Variants in LZTFL1 observed in about 807,000 individuals in gnomAD.
LZTFL1 encodes the protein leucine zipper transcription factor-like protein 1.
Under a neutral mutation model 45.9 loss-of-function variants are expected in LZTFL1, and 25 were observed. The observed-to-expected ratio is 0.54, with a 90% CI of 0.40 to 0.76. LZTFL1 has a LOEUF of 0.76. LZTFL1 is among the 30% of genes least tolerant of loss of function. LZTFL1 has a pLI of 0.00. For synonymous variants in LZTFL1, 93 were observed against 117.4 expected (o/e 0.79, Z 1.35); for missense variants, 277 against 331.1 (o/e 0.84, Z 1.27).
intron 2 of LZTFL1, among the ~76,000 whole-genome samples, chr3:45,891,090 G>GT (rs1313787619): frequency 6.6e-6 from 1 of 152,162 alleles, no homozygotes; most frequent in Non-Finnish European, 1.5e-5. Context: ...AAACACGTGT[G>GT]TTACTTTTGT....
At chr3:45,915,445 C>T (rs1421850882) in exon 1 of LZTFL1, 5 of 451,130 alleles carry the variant, frequency 1.1e-5, no homozygotes, top group Non-Finnish European at 1.8e-5. Context: ...TTTTGGCCTC[C>T]CAGAAATGGC....
intron 2 of LZTFL1, among the ~76,000 whole-genome samples, chr3:45,906,122 C>T (rs375931504): frequency 6.6e-6 from 1 of 152,184 alleles, no homozygotes; most frequent in East Asian, 1.9e-4. Flanking sequence ...ATTCCAAGAG[C>T]CCACCTAAGG....
rs968840268 is a variant in LZTFL1 at position 45,849,813 on chromosome 3, A to C, written c.-49+5173T>G. On this transcript the variant is annotated intron_variant, in intron 4 of 4. Transcript: ENST00000472635. ...AATGGTTCCCAGTTGTTCTTATGTGATATAATTTGGTTTTATTTTAAAATA... is the reference window on the plus strand; with the variant it reads ...AATGGTTCCCAGTTGTTCTTATGTGCTATAATTTGGTTTTATTTTAAAATA... Among the ~76,000 whole-genome samples, 4 of 152,230 alleles carry C rather than the reference A, an allele frequency of 2.6e-5. No individual in the cohort carries two copies. In the East Asian group the frequency reaches 7.7e-4, roughly 29 times the overall value.
At chr3:45,839,340 G>A (rs1008184272) in intron 1 of LZTFL1, among the ~76,000 whole-genome samples, 2 of 151,986 alleles carry the variant, frequency 1.3e-5, no homozygotes, top group African/African-American at 2.4e-5. Flanking sequence ...CACCTGCCTC[G>A]GCCTCCCAAA....
chr3:45,842,666 A>G (rs1441347943), upstream of LZTFL1, among the ~76,000 whole-genome samples: 1 of 152,082 alleles, frequency 6.6e-6, no homozygotes, highest in Non-Finnish European at 1.5e-5. Context: ...ACATTTTTCC[A>G]TTTAAAAAAA....
intron 2 of LZTFL1, among the ~76,000 whole-genome samples, chr3:45,899,262 CAA>C (rs1256150833): frequency 2.6e-5 from 4 of 152,172 alleles, no homozygotes; most frequent in African/African-American, 9.7e-5. Flanking sequence ...AAGGAATATG[CAA>C]AGATTCTCAA....
At chr3:45,863,392 AG>A (rs576183327) in intron 2 of LZTFL1, among the ~76,000 whole-genome samples, 8 of 152,210 alleles carry the variant, frequency 5.3e-5, no homozygotes, top group Non-Finnish European at 8.8e-5. Context: ...TGAGGACCTC[AG>A]GGGAGTGGTT....
rs540951928 is a variant in LZTFL1 at position 45,876,671 on chromosome 3, C to T, written c.-214-17655G>A. Among the ~76,000 whole-genome samples, 4 of 152,310 alleles carry T rather than the reference C, an allele frequency of 2.6e-5. No homozygotes were observed. In the South Asian group the frequency reaches 6.2e-4, roughly 24 times the overall value. On this transcript the variant is annotated intron_variant, in intron 2 of 4. Coordinates refer to the LZTFL1 transcript ENST00000472635. ...ATCCCTTGAAGGGGGTAGTATCATC[C>T]TATTTTATAGATAAGGAAAATGTTT...
chr3:45,826,374 G>A (rs765660613), intron 9 of LZTFL1, 42 bp from the exon 10 acceptor site: 1 of 1,533,922 alleles, frequency 6.5e-7, no homozygotes. Context: ...GATACCTTTT[G>A]TTGTTGTTAT....
At chr3:45,907,398 G>A (rs567292713) in intron 2 of LZTFL1, among the ~76,000 whole-genome samples, 1 of 152,300 alleles carries the variant, frequency 6.6e-6, no homozygotes, top group African/African-American at 2.4e-5. Flanking sequence ...CCTCGCTCAG[G>A]CCAGGCTCTG....
At chr3:45,881,645 C>T (rs959977443) in intron 2 of LZTFL1, among the ~76,000 whole-genome samples, 14 of 152,156 alleles carry the variant, frequency 9.2e-5, no homozygotes, top group Non-Finnish European at 1.3e-4. Flanking sequence ...CTGCGACACA[C>T]GAAGAATGTG....
chr3:45,908,369 T>C (rs148167793), intron 2 of LZTFL1, among the ~76,000 whole-genome samples: 6 of 152,332 alleles, frequency 3.9e-5, no homozygotes, highest in Non-Finnish European at 7.4e-5. Context: ...TCATTCAACA[T>C]TTATTGAGCA....
chr3:45,824,893 G>A lies in LZTFL1; in HGVS notation c.*1421C>T. 1 of 398,424 alleles carries A rather than the reference G, an allele frequency of 2.5e-6. No individual in the cohort carries two copies. The highest frequency in any genetic ancestry group is 3.6e-5 in the East Asian group (1 of 28,046). The allele number at this position is 398,424 out of a possible 1,614,324, so 24.7% of individuals were successfully genotyped here. The stretch of plus-strand genomic sequence containing the variant: ...CTAAATATGGAGAGACAGGTGAGGA[G>A]AAAATACATAGTAAATGCTGGCTCG... On this transcript the variant is annotated 3_prime_UTR_variant, in exon 10 of 10. Transcript: ENST00000296135.
intron 1 of LZTFL1, among the ~76,000 whole-genome samples, chr3:45,913,575 T>A (rs1043972728): frequency 6.6e-6 from 1 of 152,210 alleles, no homozygotes; most frequent in South Asian, 2.1e-4. Context: ...CTGCAGAAAT[T>A]GTCATGTAAT....
At chr3:45,844,832 A>G (rs927230976), upstream of LZTFL1, among the ~76,000 whole-genome samples, 3 of 152,226 alleles carry the variant, frequency 2.0e-5, no homozygotes, top group Admixed American at 1.3e-4. Context: ...AGTGCTGACA[A>G]ACTAGATTAG....
At position 45,823,909 on chromosome 3, in the gene LZTFL1, G is replaced by C. The variant is rs1351045710; in HGVS notation, c.*2405C>G. Reference sequence around the variant, plus strand: ...TTAATCAGAATGGAAATAATGAATAGCAAAGGCTTTATCAAATAAGATTAC... The same window carrying C: ...TTAATCAGAATGGAAATAATGAATACCAAAGGCTTTATCAAATAAGATTAC... On this transcript the variant is annotated 3_prime_UTR_variant, in exon 10 of 10. Coordinates refer to ENST00000296135, the MANE Select transcript of LZTFL1 (RefSeq NM_020347.4). 6.6e-6 allele frequency: 1 copy of C among 152,144 alleles called. No individual in the cohort carries two copies. Among genetic ancestry groups the C allele is most frequent in the East Asian group, 1.9e-4 (1 of 5,202 alleles). The allele number at this position is 152,144 out of a possible 1,614,324, so 9.4% of individuals were successfully genotyped here. A position where few individuals can be genotyped will look rare whatever the true frequency, so the allele number is the denominator to read the frequency against.
chr3:45,907,162 A>C (rs561360992), intron 2 of LZTFL1, among the ~76,000 whole-genome samples: 1 of 152,102 alleles, frequency 6.6e-6, no homozygotes, highest in Non-Finnish European at 1.5e-5. Flanking sequence ...GGCCAGGCTT[A>C]GGCCCCAGTC....
At chr3:45,839,252 C>T (rs1701043803) in intron 1 of LZTFL1, among the ~76,000 whole-genome samples, 1 of 152,078 alleles carries the variant, frequency 6.6e-6, no homozygotes, top group African/African-American at 2.4e-5. Context: ...CCACGCCTGA[C>T]TCATTACTTG....
At position 45,855,760 on chromosome 3, in the gene LZTFL1, A is replaced by G. The variant is rs550398546; in HGVS notation, c.-137-686T>C. 4.6e-5 allele frequency among the ~76,000 whole-genome samples: 7 copies of G among 152,024 alleles called. No individual in the cohort carries two copies. In the South Asian group the frequency reaches 1.5e-3, roughly 32 times the overall value. ...TCACAAACATTCCTATACACCACAA[A>G]TAGACAGACAGCCAAATCATGAATG... On this transcript the variant is annotated intron_variant, in intron 3 of 4. Transcript: ENST00000472635.
Sources: allele counts gnomAD v4.1 joint callset (sites outside exome capture counted in the v4.1 genomes callset), GRCh38; gene constraint gnomAD v4.1.1; transcripts MANE v1.5; gene names NCBI Gene and HGNC (gene_info 2026-07-23, HGNC 2026-07-21).